The following CKAP5 variants were observed in gnomAD, a reference collection of about 807,000 sequenced individuals.
The protein encoded by CKAP5 is cytoskeleton associated protein 5, also known as cytoskeleton-associated protein 5.
A neutral mutation model predicts 232.8 loss-of-function variants in CKAP5; 27 were observed. The observed-to-expected ratio is 0.12, with a 90% confidence interval of 0.09 to 0.16. The LOEUF (loss-of-function observed/expected upper bound fraction) is 0.16. Among genes scored for constraint, CKAP5 ranks in the 10% least tolerant of loss-of-function variants. The pLI is 1.00. For missense variants in CKAP5, 1,838 were observed against 2,424.7 expected (o/e 0.76, Z 5.08); for synonymous variants, 785 against 841.1 (o/e 0.93, Z 1.16).
chr11:46,841,997 C>CA (rs3031699), intron 1 of CKAP5, among the ~76,000 whole-genome samples: 29,264 of 109,178 alleles, frequency 0.27, 3,928 homozygotes, highest in East Asian at 0.56. Flanking sequence ...GACTTTGGTT[C>CA]AAAAAAAAAA....
chr11:46,743,764 A>G lies in CKAP5; in HGVS notation c.*259T>C. The stretch of plus-strand genomic sequence containing the variant: ...GAAAAGAAAAGGATCTGGGAACTAG[A>G]CTGAGCAGAGAGGGGGCAGCTGTTT... On this transcript the variant is annotated 3_prime_UTR_variant, in exon 44 of 44. Transcript: ENST00000529230. 2.1e-6 allele frequency: 1 copy of G among 483,404 alleles called. No homozygotes were observed. Among genetic ancestry groups the G allele is most frequent in the Non-Finnish European group, 3.7e-6 (1 of 266,832 alleles). 29.9% of individuals were successfully genotyped at this position (483,404 alleles called of 1,614,324 possible).
chr11:46,816,497 G>T, intron 3 of CKAP5, 93 bp from the exon 4 acceptor site: 2 of 859,934 alleles, frequency 2.3e-6, no homozygotes, highest in Non-Finnish European at 1.9e-6. Context: ...TTTTACAAAT[G>T]CTAGAAATAC....
At chr11:46,758,603 G>C (rs2065128940) in intron 35 of CKAP5, among the ~76,000 whole-genome samples, 1 of 151,972 alleles carries the variant, frequency 6.6e-6, no homozygotes, top group African/African-American at 2.4e-5. Context: ...AGCTGAGAGA[G>C]GAGGATTACT....
chr11:46,754,162 T>C (rs979899944), intron 36 of CKAP5, among the ~76,000 whole-genome samples: 1 of 152,030 alleles, frequency 6.6e-6, no homozygotes, highest in Non-Finnish European at 1.5e-5. Flanking sequence ...CAGGCCTGGC[T>C]AATTTTTTGT....
At chr11:46,825,480 G>T (rs1048172033) in intron 1 of CKAP5, among the ~76,000 whole-genome samples, 1 of 152,114 alleles carries the variant, frequency 6.6e-6, no homozygotes, top group African/African-American at 2.4e-5. Context: ...TAATTACAGA[G>T]CTACTGTACA....
At chr11:46,765,513 C>G (rs1052910251) in intron 27 of CKAP5, among the ~76,000 whole-genome samples, 3 of 151,436 alleles carry the variant, frequency 2.0e-5, no homozygotes, top group Non-Finnish European at 2.9e-5. Flanking sequence ...ACTGCTATTA[C>G]TGATCATTAG....
At position 46,801,283 on chromosome 11, in the gene CKAP5, C is replaced by T. The variant is rs1398118223; in HGVS notation, c.1000G>A (p.Val334Ile). The part of the protein sequence containing the change: ...LKKVVGKDTN[V>I]MLVALAAKCL... ...TTTGCTGCCAAAGCCACCAACATGA[C>T]ATTGGTGTCCTTTCCAACAACCTAC... Residue 334 changes from valine (V) to isoleucine (I), a missense_variant, in exon 9 of 44, where the codon GTC becomes ATC. By Grantham distance (29) the Val-to-Ile change is conservative. Coordinates refer to ENST00000529230, the MANE Select transcript of CKAP5 (RefSeq NM_001008938.4). 2 of 1,613,342 alleles carry T rather than the reference C, an allele frequency of 1.2e-6. No individual in the cohort carries two copies. The highest frequency in any genetic ancestry group is 1.1e-5 in the South Asian group (1 of 91,070).
At chr11:46,827,637 A>G (rs1470638555) in intron 1 of CKAP5, among the ~76,000 whole-genome samples, 2 of 152,208 alleles carry the variant, frequency 1.3e-5, no homozygotes, top group Non-Finnish European at 1.5e-5. Flanking sequence ...AGAAAAAAAG[A>G]AAAATAACCT....
In CKAP5 at chr11:46,767,474, A is replaced by G. The variant is rs1034815076; in HGVS notation, c.3411+101T>C. 4.5e-6 allele frequency: 3 copies of G among 660,936 alleles called. No individual in the cohort carries two copies. In the African/African-American group the frequency reaches 5.5e-5, roughly 12 times the overall value. The allele number at this position is 660,936 out of a possible 1,614,324, so 40.9% of individuals were successfully genotyped here. ...TAATTTGATAATATCAACAGCAGTG[A>G]TGTTCTTTTATATATAATATGATCC... On this transcript the variant is annotated intron_variant, in intron 27 of 43. Transcript: ENST00000529230.
At chr11:46,787,832 G>A (rs9735937) in intron 16 of CKAP5, among the ~76,000 whole-genome samples, 23,892 of 152,028 alleles carry the variant, frequency 0.16, 2,985 homozygotes, top group African/African-American at 0.35. Flanking sequence ...TTTGAACTGC[G>A]AAGATCCACT....
intron 35 of CKAP5, 78 bp downstream of exon 35, chr11:46,758,845 C>G: frequency 6.6e-7 from 1 of 1,516,854 alleles, no homozygotes; most frequent in Admixed American, 1.8e-5. Context: ...TGCTATGACT[C>G]TGCGAGTGTG....
chr11:46,783,551 AT>A (rs1205857506), intron 17 of CKAP5, among the ~76,000 whole-genome samples, 183 bp from the exon 18 acceptor site: 1 of 152,020 alleles, frequency 6.6e-6, no homozygotes, highest in Non-Finnish European at 1.5e-5. Context: ...GACTAAAGGC[AT>A]TCTGGACTAT....
At chr11:46,748,418 CAA>C in intron 42 of CKAP5, among the ~76,000 whole-genome samples, 1 of 152,254 alleles carries the variant, frequency 6.6e-6, no homozygotes, top group Non-Finnish European at 1.5e-5. Context: ...AGAGAAGACT[CAA>C]AAGCTTTGGA....
chr11:46,840,938 C>T (rs1940038525), intron 1 of CKAP5, among the ~76,000 whole-genome samples: 1 of 152,152 alleles, frequency 6.6e-6, no homozygotes, highest in African/African-American at 2.4e-5. Context: ...GGACTAAACC[C>T]TCAACCTGTG....
chr11:46,751,051 A>T, intron 40 of CKAP5, 67 bp downstream of exon 40: 3 of 1,588,490 alleles, frequency 1.9e-6, no homozygotes, highest in Non-Finnish European at 2.6e-6. Context: ...CTGGTGACCT[A>T]CACCTTAGAT....
intron 42 of CKAP5, among the ~76,000 whole-genome samples, chr11:46,749,495 G>C (rs1302402827): frequency 6.6e-6 from 1 of 150,918 alleles, no homozygotes; most frequent in Non-Finnish European, 1.5e-5. Context: ...TTGAAACCCA[G>C]GTGGAGATAT....
At chr11:46,768,649 G>A (rs2065223955) in intron 26 of CKAP5, among the ~76,000 whole-genome samples, 1 of 136,870 alleles carries the variant, frequency 7.3e-6, no homozygotes, top group Non-Finnish European at 1.6e-5. Context: ...TGGTGCGATC[G>A]TGGCTCATTG....
At chr11:46,761,301 C>T (rs1405920903) in intron 32 of CKAP5, among the ~76,000 whole-genome samples, 1 of 148,200 alleles carries the variant, frequency 6.7e-6, no homozygotes, top group Non-Finnish European at 1.5e-5. Flanking sequence ...TTAGTAACTA[C>T]AAATAAAAAG....
chr11:46,744,660 GAAC>G, intron 42 of CKAP5, 83 bp from the exon 43 acceptor site: 1 of 1,287,876 alleles, frequency 7.8e-7, no homozygotes, highest in Non-Finnish European at 1.1e-6. Context: ...CCACCAAAAA[GAAC>G]AATTAAGAAT....
Sources: gnomAD v4.1 joint callset for allele counts (sites outside exome capture counted in the v4.1 genomes callset) on GRCh38, gnomAD v4.1.1 for gene constraint, MANE v1.5 for transcripts, NCBI Gene and HGNC (gene_info 2026-07-23, HGNC 2026-07-21) for gene names.